TLR4: variants seen among roughly 807,000 people sequenced by gnomAD.
The protein encoded by TLR4 is toll-like receptor 4.
A neutral mutation model predicts 27.4 loss-of-function variants in TLR4; 17 were observed. The observed-to-expected ratio is 0.62, with a 90% CI of 0.42 to 0.93. TLR4 has a LOEUF of 0.93. Among genes scored for constraint, TLR4 ranks in the 40% least tolerant of loss-of-function variants. The pLI, the probability that TLR4 is intolerant of heterozygous loss-of-function variation, is 0.00. For missense variants in TLR4, 926 were observed against 962.3 expected, an observed-to-expected ratio of 0.96 and a Z score of 0.50; for synonymous variants, 363 against 365.7, an observed-to-expected ratio of 0.99 and a Z score of 0.08.
At chr9:117,705,339 A>G (rs1360354349) in intron 1 of TLR4, among the ~76,000 whole-genome samples, 1 of 152,196 alleles carries the variant, frequency 6.6e-6, no homozygotes, top group Non-Finnish European at 1.5e-5. Context: ...CAGGGTCAGA[A>G]ACTCAAGAGA....
chr9:117,709,827 G>A (rs1829200954), intron 2 of TLR4, among the ~76,000 whole-genome samples: 1 of 152,014 alleles, frequency 6.6e-6, no homozygotes, highest in Non-Finnish European at 1.5e-5. Flanking sequence ...GTGGTATAGT[G>A]CATAGAGTCC....
At chr9:117,710,391 A>T (rs1339490732) in intron 2 of TLR4, among the ~76,000 whole-genome samples, 1 of 150,956 alleles carries the variant, frequency 6.6e-6, no homozygotes, top group Non-Finnish European at 1.5e-5. Context: ...TTATGTTCTA[A>T]ATTTCAGTTT....
rs112099833 is a variant in TLR4, at chr9:117,704,458, G to A, written c.-15G>A. ...GGCCACTGCTGCTCACAGAAGCAGT[G>A]AGGATGATGCCAGGATGATGTCTGC... On this transcript the variant is annotated 5_prime_UTR_variant, in exon 1 of 3. Coordinates refer to ENST00000355622, the MANE Select transcript of TLR4 (RefSeq NM_138554.5). The A allele has an allele frequency of 2.0e-4, 319 of 1,611,200 alleles. No homozygotes were observed. In the African/African-American group the frequency reaches 3.2e-3, roughly 16 times the overall value.
At chr9:117,707,598 G>A (rs1564263087) in intron 1 of TLR4, among the ~76,000 whole-genome samples, 1 of 152,168 alleles carries the variant, frequency 6.6e-6, no homozygotes, top group African/African-American at 2.4e-5. Context: ...AAATTAGATG[G>A]GAGCGTTAGA....
rs1829314805 is a variant in TLR4 at position 117,714,798 on chromosome 9, TC to T, written c.*151del. On this transcript the variant is annotated 3_prime_UTR_variant, in exon 3 of 3. Transcript: ENST00000355622. ...CACTAGATATGCAGGGCTGCTAATC[TC>T]AAGGAGCTTCCAGTGCAGAGGGAAT... The T allele has an allele frequency of 2.1e-5, 15 of 729,034 alleles. No individual in the cohort carries two copies. The highest frequency in any genetic ancestry group is 7.4e-4 in the Middle Eastern group (2 of 2,720). The allele number at this position is 729,034 out of a possible 1,614,324, so 45.2% of individuals were successfully genotyped here.
Position 117,723,356 on chromosome 9 carries a change from C to G in TLR4, c.*8708C>G, listed in dbSNP as rs1304402775. ...TTCTGAAAAGGATTAAGCTATCAAC[C>G]CCATTGAGTTATAGGTGAAAGGCTG... On this transcript the variant is annotated 3_prime_UTR_variant, in exon 3 of 3. Transcript: ENST00000355622. 8 of 152,094 alleles carry G rather than the reference C, an allele frequency of 5.3e-5. No homozygotes were observed. The highest frequency in any genetic ancestry group is 1.4e-4 in the African/African-American group (6 of 41,418). The allele number at this position is 152,094 out of a possible 1,614,324, so 9.4% of individuals were successfully genotyped here.
intron 1 of TLR4, among the ~76,000 whole-genome samples, chr9:117,706,236 T>C (rs1829133402): frequency 6.6e-6 from 1 of 152,130 alleles, no homozygotes; most frequent in African/African-American, 2.4e-5. Flanking sequence ...AATCACTCCA[T>C]TCAGATCTCT....
intron 1 of TLR4, among the ~76,000 whole-genome samples, chr9:117,706,380 G>A (rs1241750146): frequency 6.6e-6 from 1 of 151,812 alleles, no homozygotes; most frequent in African/African-American, 2.4e-5. Context: ...TTATATTTTT[G>A]TTTGTTTATT....
Position 117,714,530 on chromosome 9 carries a change from T to C in TLR4, c.2402T>C (p.Val801Ala). 1 of 1,613,846 alleles carries C rather than the reference T, an allele frequency of 6.2e-7. No individual in the cohort carries two copies. The highest frequency in any genetic ancestry group is 8.5e-7 in the Non-Finnish European group (1 of 1,179,990). Reference sequence around the variant, plus strand: ...ACTTACCTGGAGTGGGAGGACAGTGTCCTGGGGCGGCACATCTTCTGGAGA... The same window carrying C: ...ACTTACCTGGAGTGGGAGGACAGTGCCCTGGGGCGGCACATCTTCTGGAGA... Reference protein sequence around the residue: ...RNTYLEWEDSVLGRHIFWRRL... With the variant: ...RNTYLEWEDSALGRHIFWRRL... Residue 801 changes from valine (V) to alanine (A), a missense_variant, in exon 3 of 3, where the codon GTC (valine) becomes GCC (alanine). Transcript: ENST00000355622.
In TLR4 at chr9:117,714,173, G is replaced by A; in HGVS notation, c.2045G>A (p.Ser682Asn). Residue 682 changes from serine to asparagine, a missense_variant, in exon 3 of 3, where the codon AGC (serine) becomes AAC (asparagine). Coordinates refer to ENST00000355622, the MANE Select transcript of TLR4 (RefSeq NM_138554.5). ...TATGATGCCTTTGTTATCTACTCAA[G>A]CCAGGATGAGGACTGGGTAAGGAAT... ...NIYDAFVIYSSQDEDWVRNEL... is the reference protein window; with the variant it reads ...NIYDAFVIYSNQDEDWVRNEL... 6.2e-7 allele frequency: 1 copy of A among 1,613,986 alleles called. No individual in the cohort carries two copies. The highest frequency in any genetic ancestry group is 1.1e-5 in the South Asian group (1 of 91,080).
chr9:117,713,892 G>T lies in TLR4; in HGVS notation c.1764G>T (p.Gln588His). ...QNDFACTCEHQSFLQWIKDQR... is the reference protein window; with the variant it reads ...QNDFACTCEHHSFLQWIKDQR... Reference sequence around the variant, plus strand: ...ACTTTGCTTGTACTTGTGAACACCAGAGTTTCCTGCAATGGATCAAGGACC... The same window carrying T: ...ACTTTGCTTGTACTTGTGAACACCATAGTTTCCTGCAATGGATCAAGGACC... Residue 588 changes from glutamine (Q) to histidine (H), a missense_variant, in exon 3 of 3, where the codon CAG becomes CAT. Coordinates refer to ENST00000355622, the MANE Select transcript of TLR4 (RefSeq NM_138554.5). 6.2e-7 allele frequency: 1 copy of T among 1,614,036 alleles called. No individual in the cohort carries two copies. Among genetic ancestry groups the T allele is most frequent in the South Asian group, 1.1e-5 (1 of 91,076 alleles).
rs199632734 is a variant in TLR4, at chr9:117,708,590, A to C, written c.121A>C (p.Met41Leu). 1.9e-6 allele frequency: 3 copies of C among 1,613,872 alleles called. No homozygotes were observed. The South Asian group carries it at 3.3e-5, about 18-fold the overall frequency. Residue 41 changes from methionine to leucine, a missense_variant, in exon 2 of 3, where the codon ATG (methionine) becomes CTG (leucine). Physicochemically the swap from Met to Leu is conservative, Grantham distance 15 (BLOSUM62 2). Transcript: ENST00000355622. ...GGTTCCTAATATTACTTATCAATGCATGGAGCTGAATTTCTACAAAATCCC... is the reference window on the plus strand; with the variant it reads ...GGTTCCTAATATTACTTATCAATGCCTGGAGCTGAATTTCTACAAAATCCC... ...EVVPNITYQCMELNFYKIPDN... is the reference protein window; with the variant it reads ...EVVPNITYQCLELNFYKIPDN...
intron 1 of TLR4, among the ~76,000 whole-genome samples, chr9:117,706,770 T>G (rs1377983893): frequency 1.3e-5 from 2 of 152,242 alleles, no homozygotes; most frequent in Admixed American, 1.3e-4. Flanking sequence ...CTGCTTTCTC[T>G]GAACCACAGG....
chr9:117,705,039 C>A (rs989940364), intron 1 of TLR4, among the ~76,000 whole-genome samples: 1 of 151,822 alleles, frequency 6.6e-6, no homozygotes, highest in African/African-American at 2.4e-5. Flanking sequence ...AGAGAAAGAA[C>A]TTTCTAAGTG....
Position 117,719,808 on chromosome 9 carries a change from G to A in TLR4, c.*5160G>A, listed in dbSNP as rs148637355. The A allele has an allele frequency of 4.3e-4, 65 of 152,284 alleles. No individual in the cohort carries two copies. Among genetic ancestry groups the A allele is most frequent in the Non-Finnish European group, 5.9e-4 (40 of 68,016 alleles). 9.4% of individuals were successfully genotyped at this position (152,284 alleles called of 1,614,324 possible). ...TCTGGCTGCCCTTATGGAGATCACC[G>A]AACTTTTCAACTCAAAGTAAAATCT... On this transcript the variant is annotated 3_prime_UTR_variant, in exon 3 of 3. Transcript: ENST00000355622.
In TLR4 at chr9:117,722,182, T is replaced by A. The variant is rs2131181479; in HGVS notation, c.*7534T>A. ...AAAATATATCAAAGTAAAATTTAAC[T>A]CCACTTTTGCTAAGTATTCATCTTG... On this transcript the variant is annotated 3_prime_UTR_variant, in exon 3 of 3. Coordinates refer to ENST00000355622, the MANE Select transcript of TLR4 (RefSeq NM_138554.5). 6.6e-6 allele frequency: 1 copy of A among 152,340 alleles called. No homozygotes were observed. Among genetic ancestry groups the A allele is most frequent in the Non-Finnish European group, 1.5e-5 (1 of 68,022 alleles). The allele number at this position is 152,340 out of a possible 1,614,324, so 9.4% of individuals were successfully genotyped here. A position where few individuals can be genotyped will look rare whatever the true frequency, so the allele number is the denominator to read the frequency against.
Position 117,724,573 on chromosome 9 carries a change from A to G in TLR4, c.*9925A>G, listed in dbSNP as rs1277079544. The stretch of plus-strand genomic sequence containing the variant: ...GCCTGTCTTTCTTCTCATGTATTAG[A>G]GAGAACAAAAGCTTTGGGAATCAGA... On this transcript the variant is annotated 3_prime_UTR_variant, in exon 3 of 3. Coordinates refer to ENST00000355622, the MANE Select transcript of TLR4 (RefSeq NM_138554.5). The G allele has an allele frequency of 6.6e-6, 1 of 152,038 alleles. No homozygotes were observed. Among genetic ancestry groups the G allele is most frequent in the Non-Finnish European group, 1.5e-5 (1 of 68,032 alleles). The allele number at this position is 152,038 out of a possible 1,614,324, so 9.4% of individuals were successfully genotyped here.
In TLR4 at chr9:117,713,045, G is replaced by T; in HGVS notation, c.917G>T (p.Cys306Phe). ...YLDDIIDLFN[C>F]LTNVSSFSLV... is the part of the protein sequence containing the mutation. ...GATGATATTATTGACTTATTTAATT[G>T]TTTGACAAATGTTTCTTCATTTTCC... Residue 306 changes from cysteine to phenylalanine, a missense_variant, in exon 3 of 3, where the codon TGT becomes TTT. Coordinates refer to ENST00000355622, the MANE Select transcript of TLR4 (RefSeq NM_138554.5). The T allele has an allele frequency of 6.2e-7, 1 of 1,613,988 alleles. No individual in the cohort carries two copies.
At chr9:117,705,092 G>A (rs1394803454) in intron 1 of TLR4, among the ~76,000 whole-genome samples, 1 of 151,320 alleles carries the variant, frequency 6.6e-6, no homozygotes, top group Non-Finnish European at 1.5e-5. Context: ...TAGTCCAGAG[G>A]ATGAAAAAAA....
Sources: gnomAD v4.1 joint callset for allele counts (sites outside exome capture counted in the v4.1 genomes callset) on GRCh38, gnomAD v4.1.1 for gene constraint, MANE v1.5 for transcripts, NCBI Gene and HGNC (gene_info 2026-07-23, HGNC 2026-07-21) for gene names.